The following CRTAM variants were observed in gnomAD, a reference collection of about 807,000 sequenced individuals.
CRTAM encodes the protein cytotoxic and regulatory T cell molecule, also known as cytotoxic and regulatory T-cell molecule.
In CRTAM, 44 loss-of-function variants were observed where a neutral mutation model predicts 50.0. That is an observed-to-expected ratio of 0.88 (90% CI 0.69 to 1.13). The LOEUF (loss-of-function observed/expected upper bound fraction) is 1.13. Ranked by LOEUF, CRTAM falls within the 50% of genes most tolerant of loss-of-function variation. The pLI is 0.00. For missense variants in CRTAM, 448 were observed against 457.5 expected (o/e 0.98, Z 0.19); for synonymous variants, 159 against 169.3 (o/e 0.94, Z 0.47).
At chr11:122,844,552 G>A (rs992360389) in intron 1 of CRTAM, among the ~76,000 whole-genome samples, 2 of 152,166 alleles carry the variant, frequency 1.3e-5, no homozygotes, top group African/African-American at 4.8e-5. Flanking sequence ...TTAACAACAG[G>A]AGAACAAAGG....
intron 9 of CRTAM, among the ~76,000 whole-genome samples, chr11:122,869,382 G>C (rs1174948825): frequency 2.6e-5 from 4 of 152,226 alleles, no homozygotes; most frequent in African/African-American, 9.6e-5. Flanking sequence ...ATAAATTTGT[G>C]TTAAATGAGT....
intron 8 of CRTAM, 82 bp downstream of exon 8, chr11:122,867,637 C>A: frequency 7.2e-7 from 1 of 1,385,694 alleles, no homozygotes; most frequent in South Asian, 1.3e-5. Flanking sequence ...TCCATTAAAG[C>A]TTTCTGTCAG....
intron 1 of CRTAM, among the ~76,000 whole-genome samples, chr11:122,847,071 T>C (rs1861873291): frequency 6.6e-6 from 1 of 152,244 alleles, no homozygotes. Flanking sequence ...ATGCTTACTA[T>C]GGACTAAGTA....
chr11:122,858,110 C>T (rs1328784450), intron 5 of CRTAM, among the ~76,000 whole-genome samples: 1 of 152,120 alleles, frequency 6.6e-6, no homozygotes, highest in Non-Finnish European at 1.5e-5. Flanking sequence ...CGGGGTCTCC[C>T]TATGTTGCTC....
At chr11:122,841,523 C>G (rs1861798646) in intron 1 of CRTAM, among the ~76,000 whole-genome samples, 1 of 151,802 alleles carries the variant, frequency 6.6e-6, no homozygotes, top group Non-Finnish European at 1.5e-5. Flanking sequence ...GCCTCAGCCT[C>G]CCGAGTAGCT....
chr11:122,856,884 C>T (rs1862013771), intron 5 of CRTAM, among the ~76,000 whole-genome samples: 1 of 152,118 alleles, frequency 6.6e-6, no homozygotes, highest in Admixed American at 6.5e-5. Flanking sequence ...TGTACAGTAA[C>T]CTTACACAAC....
In CRTAM at chr11:122,851,808, C is replaced by G; in HGVS notation, c.309C>G (p.Asp103Glu). 2 of 1,614,158 alleles carry G rather than the reference C, an allele frequency of 1.2e-6. No homozygotes were observed. Among genetic ancestry groups the G allele is most frequent in the Non-Finnish European group, 1.7e-6 (2 of 1,180,002 alleles). ...TGTACAAGTGCTTACATTACAGCGA[C>G]TCTGTAAGCACAAAGGAAGTGAAAG... ...EGVYKCLHYS[D>E]SVSTKEVKVI... Residue 103 changes from aspartate (D) to glutamate (E), a missense_variant, in exon 3 of 10, where the codon GAC (aspartate) becomes GAG (glutamate). Coordinates refer to ENST00000227348, the MANE Select transcript of CRTAM (RefSeq NM_019604.4).
chr11:122,862,655 ACC>A, intron 6 of CRTAM, 111 bp downstream of exon 6: 1 of 691,754 alleles, frequency 1.4e-6, no homozygotes, highest in Non-Finnish European at 2.4e-6. Context: ...TTTTACTAAG[ACC>A]ATACAGGCCC....
rs1862265775 is a variant in CRTAM at position 122,872,293 on chromosome 11, A to C, written c.*894A>C. 6.6e-6 allele frequency: 1 copy of C among 152,236 alleles called. No individual in the cohort carries two copies. 9.4% of individuals were successfully genotyped at this position (152,236 alleles called of 1,614,324 possible). A position where few individuals can be genotyped will look rare whatever the true frequency, so the allele number is the denominator to read the frequency against. On this transcript the variant is annotated 3_prime_UTR_variant, in exon 10 of 10. Transcript: ENST00000227348. Reference sequence around the variant, plus strand: ...AAAGAGGAGCTCAGGGTAGGCCCAAAGATTCGAATTCCTTAGATTACTAAA... The same window carrying C: ...AAAGAGGAGCTCAGGGTAGGCCCAACGATTCGAATTCCTTAGATTACTAAA...
chr11:122,848,381 C>T (rs1316331935), intron 1 of CRTAM, among the ~76,000 whole-genome samples: 1 of 152,164 alleles, frequency 6.6e-6, no homozygotes, highest in Non-Finnish European at 1.5e-5. Context: ...AGAATATTTC[C>T]AAATGGCCAA....
intron 4 of CRTAM, 54 bp downstream of exon 4, chr11:122,854,140 A>T (rs1861973689): frequency 6.3e-7 from 1 of 1,583,652 alleles, no homozygotes; most frequent in African/African-American, 1.4e-5. Flanking sequence ...TTTCCAGGGG[A>T]TTTTTAAATG....
chr11:122,869,896 G>C (rs1358971549), intron 9 of CRTAM, among the ~76,000 whole-genome samples: 4 of 152,148 alleles, frequency 2.6e-5, no homozygotes, highest in Non-Finnish European at 5.9e-5. Flanking sequence ...TGCAACACCT[G>C]TTTCTAAATA....
chr11:122,848,684 T>A (rs923770935), intron 1 of CRTAM, among the ~76,000 whole-genome samples: 2 of 152,236 alleles, frequency 1.3e-5, no homozygotes, highest in African/African-American at 4.8e-5. Flanking sequence ...TACTTGAAAT[T>A]TATCACAAGA....
chr11:122,849,349 C>T (rs1861902149), intron 1 of CRTAM, among the ~76,000 whole-genome samples: 1 of 152,198 alleles, frequency 6.6e-6, no homozygotes, highest in South Asian at 2.1e-4. Flanking sequence ...GATCCCAGCT[C>T]AATGACCTCT....
chr11:122,862,804 T>G (rs948897402), intron 6 of CRTAM, among the ~76,000 whole-genome samples: 5 of 152,166 alleles, frequency 3.3e-5, no homozygotes, highest in Admixed American at 2.6e-4. Context: ...GATGTACACA[T>G]GTACACACAC....
intron 7 of CRTAM, among the ~76,000 whole-genome samples, chr11:122,865,181 C>T (rs966430694): frequency 1.3e-5 from 2 of 151,944 alleles, no homozygotes; most frequent in East Asian, 1.9e-4. Context: ...GGATTACAGG[C>T]ACACGCCACC....
At chr11:122,840,567 T>A (rs1861786508) in intron 1 of CRTAM, among the ~76,000 whole-genome samples, 2 of 152,306 alleles carry the variant, frequency 1.3e-5, no homozygotes, top group South Asian at 2.1e-4. Flanking sequence ...CCCGAGGGCA[T>A]CTAAGCTCAA....
At chr11:122,846,401 C>T (rs897088582) in intron 1 of CRTAM, among the ~76,000 whole-genome samples, 4 of 103,508 alleles carry the variant, frequency 3.9e-5, no homozygotes, top group Admixed American at 1.1e-4. Flanking sequence ...CTCCTCCTCC[C>T]GGGTTCAATG....
Position 122,871,389 on chromosome 11 carries a change from G to C in CRTAM, c.1172G>C (p.Ser391Thr), listed in dbSNP as rs780116398. ...LEEKHIQVPE[S>T]IV The stretch of plus-strand genomic sequence containing the variant: ...GAAAAGCACATCCAAGTACCAGAGA[G>C]TATTGTGTAGTGCTCTCTGCAATGG... Residue 391 changes from serine (S) to threonine (T), a missense_variant, in exon 10 of 10, where the codon AGT (serine) becomes ACT (threonine). By Grantham distance (58) the Ser-to-Thr change is moderately conservative. Coordinates refer to ENST00000227348, the MANE Select transcript of CRTAM (RefSeq NM_019604.4). 6.2e-7 allele frequency: 1 copy of C among 1,613,216 alleles called. No individual in the cohort carries two copies. Among genetic ancestry groups the C allele is most frequent in the South Asian group, 1.1e-5 (1 of 90,894 alleles).
Sources: allele counts gnomAD v4.1 joint callset (sites outside exome capture counted in the v4.1 genomes callset), GRCh38; gene constraint gnomAD v4.1.1; transcripts MANE v1.5; gene names NCBI Gene and HGNC (gene_info 2026-07-23, HGNC 2026-07-21).